Variants in MFAP3L observed in about 807,000 individuals in gnomAD.
The protein encoded by MFAP3L is microfibril associated protein 3 like.
Under a neutral mutation model 20.0 loss-of-function variants are expected in MFAP3L, and 5 were observed. The ratio of observed to expected loss-of-function variants is 0.25; its 90% confidence interval spans 0.13 to 0.53. The LOEUF is 0.53. Among genes scored for constraint, MFAP3L ranks in the 20% least tolerant of loss-of-function variants. The probability of loss-of-function intolerance (pLI) is 0.96; values close to 1 mark genes in which losing one functional copy is unlikely to be tolerated. For synonymous variants in MFAP3L, 219 were observed against 213.0 expected (o/e 1.03, Z -0.25); for missense variants, 409 against 527.5 (o/e 0.78, Z 2.20).
rs1304098366 is a variant in MFAP3L at position 169,986,898 on chromosome 4, T to C, written c.*4480A>G. 6.6e-6 allele frequency: 1 copy of C among 152,222 alleles called. No homozygotes were observed. Among genetic ancestry groups the C allele is most frequent in the Non-Finnish European group, 1.5e-5 (1 of 68,024 alleles). The allele number at this position is 152,222 out of a possible 1,614,324, so 9.4% of individuals were successfully genotyped here. A position where few individuals can be genotyped will look rare whatever the true frequency, so the allele number is the denominator to read the frequency against. ...TAGCAGCTCTATGGTGTCTGAGATA[T>C]ACATTTGGAGGCTATTTTATTGGCT... On this transcript the variant is annotated 3_prime_UTR_variant, in exon 3 of 3. Transcript: ENST00000361618.
upstream of MFAP3L, among the ~76,000 whole-genome samples, chr4:170,026,640 GGGCC>G (rs1730460202): frequency 6.6e-6 from 1 of 151,490 alleles, no homozygotes; most frequent in South Asian, 2.1e-4. Context: ...CTCAGCCTCT[GGGCC>G]GGGCCTCGGC....
At chr4:170,024,147 C>T (rs1191088878) in intron 1 of MFAP3L, among the ~76,000 whole-genome samples, 1 of 152,122 alleles carries the variant, frequency 6.6e-6, no homozygotes, top group African/African-American at 2.4e-5. Flanking sequence ...AGTAATAAAA[C>T]CCCTTTTCAA....
intron 1 of MFAP3L, among the ~76,000 whole-genome samples, chr4:170,024,179 G>C (rs1252135833): frequency 6.6e-6 from 1 of 151,858 alleles, no homozygotes; most frequent in African/African-American, 2.4e-5. Flanking sequence ...TTGTTTTTTT[G>C]AGTTTTAGGT....
In MFAP3L at chr4:169,991,510, G is replaced by A. The variant is rs148626017; in HGVS notation, c.1098C>T (p.Thr366=). Residue 366 remains threonine, a synonymous_variant, in exon 3 of 3, where the codon ACC becomes ACT. Transcript: ENST00000361618. This position sits in a 1 kb window ranked among gnomAD's most constrained non-coding sequence, Gnocchi z 4.9. ...TAEPSTDVTS[T]ELTSEEPTPV... is the part of the protein sequence containing the mutation. ...GTGTTGGCTCTTCAGATGTTAGCTC[G>A]GTGGACGTGACATCGGTAGAAGGTT... The A allele has an allele frequency of 1.5e-5, 24 of 1,614,024 alleles. No homozygotes were observed. The highest frequency in any genetic ancestry group is 1.9e-5 in the Non-Finnish European group (22 of 1,180,034).
At chr4:170,013,870 T>C (rs1049713299) in intron 1 of MFAP3L, among the ~76,000 whole-genome samples, 2 of 152,196 alleles carry the variant, frequency 1.3e-5, no homozygotes, top group Non-Finnish European at 2.9e-5. Context: ...ATCGTATTAA[T>C]TGGGTCATTC....
At chr4:170,012,692 T>C (rs920865215) in intron 1 of MFAP3L, among the ~76,000 whole-genome samples, 2 of 152,240 alleles carry the variant, frequency 1.3e-5, no homozygotes, top group Non-Finnish European at 2.9e-5. Flanking sequence ...GCCTGTCTTT[T>C]TAAAGTAGTT....
chr4:169,991,679 T>C lies in MFAP3L; in HGVS notation c.929A>G (p.Glu310Gly). 1.2e-6 allele frequency: 2 copies of C among 1,614,228 alleles called. No homozygotes were observed. The highest frequency in any genetic ancestry group is 8.5e-7 in the Non-Finnish European group (1 of 1,180,044). ...AADSDASSLH[E>G]QPQQIAIKVS... ...CTTGATGGCAATTTGCTGAGGTTGC[T>C]CGTGCAGCGATGAGGCGTCCGAGTC... The change falls in exon 3 of 3, where the codon GAG (glutamate) becomes GGG (glycine). Residue 310 changes from glutamate (E) to glycine (G), a missense_variant. Glu to Gly is a moderately conservative substitution (Grantham distance 98, BLOSUM62 -2). This residue lies in a region of MFAP3L where 169 missense variants were observed against 178.2 expected (regional missense o/e 0.95). Transcript: ENST00000361618. The surrounding 1 kb of genome is among the most constrained non-coding windows in gnomAD (Gnocchi z 4.9).
intron 1 of MFAP3L, among the ~76,000 whole-genome samples, chr4:170,011,127 T>A (rs1739357913): frequency 3.3e-5 from 5 of 152,228 alleles, no homozygotes; most frequent in Non-Finnish European, 7.3e-5. Flanking sequence ...GCTTCTCCTT[T>A]GCCTTCCACC....
chr4:170,026,540 GGT>G (rs1491579146), upstream of MFAP3L: 1 of 151,228 alleles, frequency 6.6e-6, no homozygotes, highest in East Asian at 1.9e-4. Flanking sequence ...CGGGGCGGGC[GGT>G]GCGGCGCGAG....
At chr4:170,001,288 G>A (rs776891487) in intron 2 of MFAP3L, among the ~76,000 whole-genome samples, 3 of 152,072 alleles carry the variant, frequency 2.0e-5, no homozygotes, top group Non-Finnish European at 4.4e-5. Context: ...AAAGTAGAGG[G>A]ATAAAAACAA....
rs1164615921 is a variant in MFAP3L at position 169,990,092 on chromosome 4, AT to A, written c.*1285del. 6.6e-6 allele frequency: 1 copy of A among 152,270 alleles called. No homozygotes were observed. The allele number at this position is 152,270 out of a possible 1,614,324, so 9.4% of individuals were successfully genotyped here. On this transcript the variant is annotated 3_prime_UTR_variant, in exon 3 of 3. Transcript: ENST00000361618. ...CTCATGTCATCTGCCCCTTCTACAG[AT>A]AAGGGACCTGAGGTCCAGACTTGTC...
At chr4:170,012,589 G>A (rs1385884652) in intron 1 of MFAP3L, among the ~76,000 whole-genome samples, 4 of 152,132 alleles carry the variant, frequency 2.6e-5, no homozygotes, top group African/African-American at 9.7e-5. Context: ...GGCTGATGGA[G>A]GGTGTTGTGA....
intron 1 of MFAP3L, among the ~76,000 whole-genome samples, chr4:170,011,743 A>AGT (rs1273862389): frequency 6.6e-6 from 1 of 152,192 alleles, no homozygotes; most frequent in Admixed American, 6.5e-5. Flanking sequence ...GTTACAGGAC[A>AGT]GTGTGACAGC....
In MFAP3L at chr4:170,025,574, G is replaced by A. The variant is rs953462085; in HGVS notation, c.-134+660C>T. On this transcript the variant is annotated intron_variant, in intron 1 of 2. Coordinates refer to ENST00000361618, the MANE Select transcript of MFAP3L (RefSeq NM_021647.8). ...CTGGAGAAGACAGCTTAATGATCAA[G>A]CTTAAAATAAATCGGTTCTGCAATC... is the stretch of plus-strand genomic sequence containing the variant. Among the ~76,000 whole-genome samples, 5 of 152,162 alleles carry A rather than the reference G, an allele frequency of 3.3e-5. No homozygotes were observed. In the South Asian group the frequency reaches 1.0e-3, roughly 32 times the overall value.
At position 170,005,762 on chromosome 4, in the gene MFAP3L, G is replaced by A. The variant is rs200175417; in HGVS notation, c.116C>T (p.Thr39Ile). The stretch of plus-strand genomic sequence containing the variant: ...GGGCACAGAGCCCAAGACCACGTTA[G>A]TGCCATTTAAAGTGCTGTTAGTCAC... ...KSVTNSTLNGTNVVLGSVPVI... is the reference protein window; with the variant it reads ...KSVTNSTLNGINVVLGSVPVI... The change falls in exon 2 of 3, where the codon ACT (threonine) becomes ATT (isoleucine). Residue 39 changes from threonine to isoleucine, a missense_variant. By Grantham distance (89) the Thr-to-Ile change is moderately conservative. Coordinates refer to ENST00000361618, the MANE Select transcript of MFAP3L (RefSeq NM_021647.8). The A allele has an allele frequency of 6.2e-7, 1 of 1,614,242 alleles. No homozygotes were observed. The highest frequency in any genetic ancestry group is 2.2e-5 in the East Asian group (1 of 44,884).
chr4:170,026,325 C>T lies in MFAP3L; in HGVS notation c.-225G>A. Reference sequence around the variant, plus strand: ...GCTGCGCCGCACTCTGCGCCGGACGCCCGGTAGCGCCTACTGCGGGCGAGC... The same window carrying T: ...GCTGCGCCGCACTCTGCGCCGGACGTCCGGTAGCGCCTACTGCGGGCGAGC... On this transcript the variant is annotated 5_prime_UTR_variant, in exon 1 of 3. Coordinates refer to ENST00000361618, the MANE Select transcript of MFAP3L (RefSeq NM_021647.8). 4.1e-6 allele frequency: 4 copies of T among 978,560 alleles called. No homozygotes were observed. Among genetic ancestry groups the T allele is most frequent in the Admixed American group, 6.2e-5 (1 of 16,114 alleles). The allele number at this position is 978,560 out of a possible 1,614,324, so 60.6% of individuals were successfully genotyped here. A position where few individuals can be genotyped will look rare whatever the true frequency, so the allele number is the denominator to read the frequency against.
intron 2 of MFAP3L, among the ~76,000 whole-genome samples, chr4:169,999,089 A>G (rs1167614249): frequency 6.6e-6 from 1 of 152,206 alleles, no homozygotes; most frequent in Non-Finnish European, 1.5e-5. Context: ...CACCTGTTAC[A>G]AGGCATCTGC....
chr4:170,003,631 T>C (rs1340145093), intron 2 of MFAP3L: 3 of 960,170 alleles, frequency 3.1e-6, no homozygotes, highest in African/African-American at 1.8e-5. Context: ...GACTGAGGAG[T>C]TCAGTGCCCC....
At chr4:169,998,763 C>T (rs973189947) in intron 2 of MFAP3L, among the ~76,000 whole-genome samples, 1 of 152,178 alleles carries the variant, frequency 6.6e-6, no homozygotes, top group African/African-American at 2.4e-5. Context: ...GGCTCTTAAG[C>T]CTCACACACC....
Sources: gnomAD v4.1 joint callset for allele counts (sites outside exome capture counted in the v4.1 genomes callset) on GRCh38, gnomAD v4.1.1 for gene constraint, gnomAD v4.1.1 regional missense constraint, Gnocchi (gnomAD v3.1) non-coding constraint, MANE v1.5 for transcripts, NCBI Gene and HGNC (gene_info 2026-07-23, HGNC 2026-07-21) for gene names.